Variants in TSBP1 observed in about 807,000 individuals in gnomAD.
The protein encoded by TSBP1 is testis-expressed basic protein 1.
TSBP1 carries 56 observed loss-of-function variants against 68.8 expected under a neutral mutation model. The observed-to-expected ratio is 0.81, with a 90% CI of 0.66 to 1.02. TSBP1 has a LOEUF of 1.02. TSBP1 is among the 50% of genes least tolerant of loss of function. The pLI is 0.00. For synonymous variants in TSBP1, 171 were observed against 208.7 expected, an observed-to-expected ratio of 0.82 and a Z score of 1.56; for missense variants, 502 against 641.2, an observed-to-expected ratio of 0.78 and a Z score of 2.34.
At chr6:32,297,355 T>C (rs1335396829) in intron 22 of TSBP1, among the ~76,000 whole-genome samples, 2 of 152,226 alleles carry the variant, frequency 1.3e-5, no homozygotes, top group Middle Eastern at 3.2e-3. Context: ...TCATAATATA[T>C]TCAAGCTGAA....
Position 32,316,330 on chromosome 6 carries a change from T to TTGACAGAAGTGAAGTGAAGG in TSBP1, c.560-558_560-539dup. On this transcript the variant is annotated intron_variant, in intron 18 of 22. Transcript: ENST00000612031. The surrounding 1 kb of genome is among the most constrained non-coding windows in gnomAD (Gnocchi z 4.5). ...GGAATAATGGGAACCACAAATCACT[T>TTGACAGAAGTGAAGTGAAGG]TGACAGAAGTGAAGTGAAGGGGACC... 2.2e-6 allele frequency: 3 copies of TTGACAGAAGTGAAGTGAAGG among 1,342,700 alleles called. No homozygotes were observed. 83.2% of individuals were successfully genotyped at this position (1,342,700 alleles called of 1,614,324 possible). A position where few individuals can be genotyped will look rare whatever the true frequency, so the allele number is the denominator to read the frequency against.
intron 9 of TSBP1, among the ~76,000 whole-genome samples, chr6:32,346,843 T>C (rs565025429): frequency 7.6e-6 from 1 of 131,576 alleles, no homozygotes; most frequent in Non-Finnish European, 1.8e-5. Flanking sequence ...CTCAATTTTT[T>C]AAAAAAATAC....
rs746017444 is a variant in TSBP1, at chr6:32,293,281, ACT to A, written c.1390_1391del (p.Ser464CysfsTer13). On this transcript the variant is annotated frameshift_variant, in exon 23 of 23. Coordinates refer to ENST00000612031, the Ensembl canonical transcript of TSBP1. LOFTEE classifies it low-confidence loss of function (END_TRUNC). Reference sequence around the variant, plus strand: ...CTTGGGATTCCAGTGTTTCTGGTACACTCACCTCAGTGTTCTTTACTTGGGAT... The same window carrying A: ...CTTGGGATTCCAGTGTTTCTGGTACACACCTCAGTGTTCTTTACTTGGGAT... 6.2e-7 allele frequency: 1 copy of A among 1,612,210 alleles called. No individual in the cohort carries two copies. Among genetic ancestry groups the A allele is most frequent in the Non-Finnish European group, 8.5e-7 (1 of 1,179,824 alleles).
rs1384793147 is a variant in TSBP1, at chr6:32,365,301, T to C, written c.217+866A>G. ...GGTGGTGCTCTGGAATTCTCAAGTTTGTGTCCTTTTTTCCAATCCCACAAA... is the reference window on the plus strand; with the variant it reads ...GGTGGTGCTCTGGAATTCTCAAGTTCGTGTCCTTTTTTCCAATCCCACAAA... On this transcript the variant is annotated intron_variant, in intron 6 of 22. Transcript: ENST00000612031. The surrounding 1 kb of genome is among the most constrained non-coding windows in gnomAD (Gnocchi z 4.3). 1 of 456,858 alleles carries C rather than the reference T, an allele frequency of 2.2e-6. No individual in the cohort carries two copies. Among genetic ancestry groups the C allele is most frequent in the African/African-American group, 2.0e-5 (1 of 50,074 alleles). 28.3% of individuals were successfully genotyped at this position (456,858 alleles called of 1,614,324 possible).
chr6:32,356,259 CTAAAG>C (rs1039590297), intron 6 of TSBP1, among the ~76,000 whole-genome samples: 10 of 151,922 alleles, frequency 6.6e-5, no homozygotes, highest in Non-Finnish European at 1.2e-4. Context: ...TGCTATTTCA[CTAAAG>C]TATAGTTAAA....
intron 14 of TSBP1, 89 bp from the exon 16 acceptor site, chr6:32,332,143 G>T: frequency 1.1e-6 from 1 of 921,352 alleles, no homozygotes; most frequent in Non-Finnish European, 1.8e-6. Flanking sequence ...GGCTTTGAGA[G>T]GTAGAGCAGG....
At position 32,316,818 on chromosome 6, in the gene TSBP1, G is replaced by A. The variant is rs1767005337; in HGVS notation, c.560-1026C>T. 6.6e-6 allele frequency among the ~76,000 whole-genome samples: 1 copy of A among 152,098 alleles called. No individual in the cohort carries two copies. The highest frequency in any genetic ancestry group is 1.5e-5 in the Non-Finnish European group (1 of 68,024). ...ACAGAGTTAGAAATGAGTAGGGTAG[G>A]CCAGGCGCCTTGGCTCACACCTGTA... On this transcript the variant is annotated intron_variant, in intron 18 of 22. Transcript: ENST00000612031. The surrounding 1 kb of genome is among the most constrained non-coding windows in gnomAD (Gnocchi z 4.5).
chr6:32,316,463 C>T lies in TSBP1; in HGVS notation c.560-671G>A. On this transcript the variant is annotated intron_variant, in intron 18 of 22. Transcript: ENST00000612031. This position sits in a 1 kb window ranked among gnomAD's most constrained non-coding sequence, Gnocchi z 4.5. ...AGATTTGTTTGAAAGGAGCAAGTTT[C>T]CTTCTAGGGAGAGATATTTGTGTTG... is the stretch of plus-strand genomic sequence containing the variant. 3 of 1,494,252 alleles carry T rather than the reference C, an allele frequency of 2.0e-6. No homozygotes were observed. Among genetic ancestry groups the T allele is most frequent in the Non-Finnish European group, 2.7e-6 (3 of 1,097,588 alleles). 92.6% of individuals were successfully genotyped at this position (1,494,252 alleles called of 1,614,324 possible).
intron 7 of TSBP1, 38 bp downstream of exon 7, chr6:32,355,611 G>C: frequency 6.3e-7 from 1 of 1,589,674 alleles, no homozygotes. Flanking sequence ...GTTACTAATA[G>C]GAAGCAAATT....
intron 6 of TSBP1, among the ~76,000 whole-genome samples, chr6:32,359,790 T>G (rs2127646903): frequency 6.6e-6 from 1 of 152,322 alleles, no homozygotes; most frequent in East Asian, 1.9e-4. Context: ...GTCTAACATT[T>G]AAGTCTTTAA....
intron 9 of TSBP1, among the ~76,000 whole-genome samples, chr6:32,347,504 G>A (rs114147287): frequency 0.039 from 5,937 of 152,080 alleles, 334 homozygotes; most frequent in African/African-American, 0.12. Flanking sequence ...AGAAACTCCT[G>A]TTGTCTTTGA....
chr6:32,367,978 CAT>C, intron 3 of TSBP1, 21 bp from the exon 4 acceptor site: 1 of 1,574,612 alleles, frequency 6.4e-7, no homozygotes, highest in Non-Finnish European at 8.6e-7. Context: ...AGGGAGAGCA[CAT>C]GATTTTGCTT....
chr6:32,308,633 C>A (rs1489538675), intron 19 of TSBP1, among the ~76,000 whole-genome samples: 1 of 150,172 alleles, frequency 6.7e-6, no homozygotes, highest in South Asian at 2.1e-4. Flanking sequence ...TTTTTATTTG[C>A]TTTCTCTTTT....
intron 8 of TSBP1, among the ~76,000 whole-genome samples, chr6:32,352,109 A>G (rs1771777718): frequency 1.3e-5 from 2 of 152,056 alleles, no homozygotes; most frequent in Non-Finnish European, 2.9e-5. Context: ...AGTTTAAAGA[A>G]CCAGTAAAGG....
intron 17 of TSBP1, 79 bp downstream of exon 18, chr6:32,323,512 G>T: frequency 7.6e-7 from 1 of 1,319,310 alleles, no homozygotes; most frequent in East Asian, 2.4e-5. Context: ...AAATGAGCAG[G>T]GTAGAGACAG....
chr6:32,301,622 A>C (rs1765297036), intron 20 of TSBP1, among the ~76,000 whole-genome samples: 1 of 151,262 alleles, frequency 6.6e-6, no homozygotes. Flanking sequence ...CAGAAAGCTG[A>C]GGTGGGAGGA....
chr6:32,342,513 G>A (rs188301070), intron 9 of TSBP1, among the ~76,000 whole-genome samples: 62 of 152,124 alleles, frequency 4.1e-4, no homozygotes, highest in Non-Finnish European at 4.9e-4. Context: ...GTTATGTAAC[G>A]GACTTGAAAT....
At position 32,292,829 on chromosome 6, in the gene TSBP1, G is replaced by T. The variant is rs1764284809; in HGVS notation, c.*152C>A. On this transcript the variant is annotated 3_prime_UTR_variant, in exon 23 of 23. Coordinates refer to ENST00000612031, the Ensembl canonical transcript of TSBP1. The surrounding 1 kb of genome is among the most constrained non-coding windows in gnomAD (Gnocchi z 4.1). Reference sequence around the variant, plus strand: ...GGTTTGTGGCTGAGAGATTAAAAAGGGTGAAACTTCTGAAGAGCAGAAACT... The same window carrying T: ...GGTTTGTGGCTGAGAGATTAAAAAGTGTGAAACTTCTGAAGAGCAGAAACT... 5.2e-6 allele frequency: 3 copies of T among 579,878 alleles called. No individual in the cohort carries two copies. In the East Asian group the frequency reaches 8.6e-5, roughly 17 times the overall value. The allele number at this position is 579,878 out of a possible 1,614,324, so 35.9% of individuals were successfully genotyped here. A position where few individuals can be genotyped will look rare whatever the true frequency, so the allele number is the denominator to read the frequency against.
At position 32,325,894 on chromosome 6, in the gene TSBP1, G is replaced by A. The variant is rs471964; in HGVS notation, c.515-2280C>T. On this transcript the variant is annotated intron_variant, in intron 16 of 22. Coordinates refer to ENST00000612031, the Ensembl canonical transcript of TSBP1. This position sits in a 1 kb window ranked among gnomAD's most constrained non-coding sequence, Gnocchi z 4.4. ...TGGAGGAAACTTCAGTGGTTGTGGT[G>A]GCTTTGGTGGCAGCTGTGGTGGTGG... The A allele has an allele frequency of 0.37, 568,603 of 1,521,526 alleles. 112,057 individuals carry two copies. The highest frequency in any genetic ancestry group is 0.53 in the Middle Eastern group (2,281 of 4,266). 94.3% of individuals were successfully genotyped at this position (1,521,526 alleles called of 1,614,324 possible).
Sources: gnomAD v4.1 joint callset for allele counts (sites outside exome capture counted in the v4.1 genomes callset) on GRCh38, gnomAD v4.1.1 for gene constraint, Gnocchi (gnomAD v3.1) non-coding constraint, MANE v1.5 for transcripts, NCBI Gene and HGNC (gene_info 2026-07-23, HGNC 2026-07-21) for gene names.